Variants in SIPA1L3 observed in about 807,000 individuals in gnomAD.
The protein encoded by SIPA1L3 is signal induced proliferation associated 1 like 3, also known as signal-induced proliferation-associated 1-like protein 3.
A neutral mutation model predicts 150.1 loss-of-function variants in SIPA1L3; 59 were observed. That is an observed-to-expected ratio of 0.39 (90% confidence interval 0.32 to 0.49). The LOEUF (loss-of-function observed/expected upper bound fraction) is 0.49, where lower values mean the gene tolerates loss of function less well. Ranked by LOEUF, SIPA1L3 falls within the 20% of genes least tolerant of loss-of-function variation. SIPA1L3 has a pLI of 0.86. For synonymous variants in SIPA1L3, 1,070 were observed against 1,077.6 expected (o/e 0.99, Z 0.14); for missense variants, 2,211 against 2,489.5 (o/e 0.89, Z 2.38).
intron 1 of SIPA1L3, among the ~76,000 whole-genome samples, chr19:38,026,240 G>A (rs1027360812): frequency 2.6e-5 from 4 of 152,136 alleles, no homozygotes; most frequent in African/African-American, 4.8e-5. Flanking sequence ...AGGCTCTGAA[G>A]CAGCCCCTAG....
At chr19:38,170,566 A>G (rs1972306649) in intron 15 of SIPA1L3, among the ~76,000 whole-genome samples, 1 of 152,136 alleles carries the variant, frequency 6.6e-6, no homozygotes, top group Non-Finnish European at 1.5e-5. Flanking sequence ...CTTGGTATTT[A>G]TTCACACAGC....
intron 15 of SIPA1L3, among the ~76,000 whole-genome samples, chr19:38,172,761 G>A (rs1332322746): frequency 1.3e-5 from 2 of 152,172 alleles, no homozygotes; most frequent in Non-Finnish European, 2.9e-5. Context: ...GGTTCCAAGG[G>A]ACATGGGAGC....
Position 38,082,647 on chromosome 19 carries a change from C to T in SIPA1L3, c.1082C>T (p.Ser361Leu), listed in dbSNP as rs1259726705. The T allele has an allele frequency of 1.1e-5, 18 of 1,606,588 alleles. No homozygotes were observed. The highest frequency in any genetic ancestry group is 5.0e-5 in the Admixed American group (3 of 59,976). Residue 361 changes from serine to leucine, a missense_variant, in exon 3 of 22, where the codon TCG becomes TTG. Physicochemically the swap from Ser to Leu is moderately radical, Grantham distance 145. This residue lies in a region of SIPA1L3 where 587 missense variants were observed against 534.5 expected (regional missense o/e 1.10). Transcript: ENST00000222345. ...DLNEAAANRV[S>L]VSQRRNTTTG... ...AACGAGGCGGCCGCCAACAGGGTGTCGGTGTCGCAGCGGCGGAACACCACC... is the reference window on the plus strand; with the variant it reads ...AACGAGGCGGCCGCCAACAGGGTGTTGGTGTCGCAGCGGCGGAACACCACC...
chr19:37,913,892 G>A (rs1028624124), intron 1 of SIPA1L3, among the ~76,000 whole-genome samples: 3 of 151,710 alleles, frequency 2.0e-5, no homozygotes, highest in African/African-American at 7.3e-5. Flanking sequence ...ACAGGCGCCT[G>A]TAGTCCCAGT....
intron 3 of SIPA1L3, among the ~76,000 whole-genome samples, chr19:38,085,709 G>C (rs1448011078): frequency 6.6e-6 from 1 of 152,106 alleles, no homozygotes; most frequent in African/African-American, 2.4e-5. Context: ...AATGGATCAG[G>C]CTGGCTGAGC....
intron 15 of SIPA1L3, among the ~76,000 whole-genome samples, chr19:38,176,809 T>C (rs1972444080): frequency 6.6e-6 from 1 of 151,730 alleles, no homozygotes; most frequent in African/African-American, 2.4e-5. Flanking sequence ...CCATCTCTAC[T>C]AAAAATACAA....
chr19:37,934,422 T>C (rs1364404865), intron 1 of SIPA1L3, among the ~76,000 whole-genome samples: 1 of 152,170 alleles, frequency 6.6e-6, no homozygotes, highest in Non-Finnish European at 1.5e-5. Flanking sequence ...CCTATTACAC[T>C]TATTTCATGT....
intron 1 of SIPA1L3, among the ~76,000 whole-genome samples, chr19:37,971,132 T>TG (rs1555771940): frequency 4.6e-5 from 7 of 152,062 alleles, no homozygotes; most frequent in East Asian, 1.9e-4. Flanking sequence ...CCATGCTTTT[T>TG]TTTGTTTGTT....
intron 1 of SIPA1L3, among the ~76,000 whole-genome samples, chr19:38,015,494 C>T (rs897300063): frequency 4.6e-5 from 7 of 151,912 alleles, no homozygotes; most frequent in South Asian, 2.1e-4. Context: ...GAGGCTGAGG[C>T]GGGCAGACTG....
chr19:38,065,952 A>T (rs1969575274), intron 2 of SIPA1L3, among the ~76,000 whole-genome samples: 3 of 48,252 alleles, frequency 6.2e-5, no homozygotes, highest in African/African-American at 1.1e-4. Context: ...TTTATTTTTG[A>T]GGCAACGTCT....
At chr19:38,130,893 C>G in intron 10 of SIPA1L3, 121 bp downstream of exon 10, 1 of 1,091,232 alleles carries the variant, frequency 9.2e-7, no homozygotes, top group Non-Finnish European at 1.3e-6. Flanking sequence ...CCCTTCTAGG[C>G]AGGAATAGTG....
intron 2 of SIPA1L3, among the ~76,000 whole-genome samples, chr19:38,073,061 G>T (rs1305545761): frequency 6.6e-6 from 1 of 152,182 alleles, no homozygotes; most frequent in South Asian, 2.1e-4. Flanking sequence ...CCTTGCAACC[G>T]GAGTGGCCGT....
At chr19:37,948,969 G>T (rs79588148) in intron 1 of SIPA1L3, among the ~76,000 whole-genome samples, 2 of 152,206 alleles carry the variant, frequency 1.3e-5, no homozygotes, top group Non-Finnish European at 2.9e-5. Flanking sequence ...TGGCAGGAGG[G>T]CAGCGGGGGA....
intron 1 of SIPA1L3, among the ~76,000 whole-genome samples, chr19:37,993,619 TC>T: frequency 6.6e-6 from 1 of 152,280 alleles, no homozygotes; most frequent in East Asian, 1.9e-4. Context: ...GGGGAACAGA[TC>T]CCTAACGGGG....
At chr19:38,065,239 G>T (rs1170204559) in intron 2 of SIPA1L3, among the ~76,000 whole-genome samples, 1 of 151,954 alleles carries the variant, frequency 6.6e-6, no homozygotes, top group African/African-American at 2.4e-5. Flanking sequence ...CTGTCGCCAG[G>T]CCACGGAGGA....
intron 16 of SIPA1L3, among the ~76,000 whole-genome samples, chr19:38,187,439 T>A (rs1278489748): frequency 3.3e-5 from 4 of 123,038 alleles, no homozygotes; most frequent in Non-Finnish European, 6.7e-5. Context: ...GCAACAAGAG[T>A]GAAACTCTTT....
chr19:37,961,988 T>G (rs2046862532), intron 1 of SIPA1L3, among the ~76,000 whole-genome samples: 1 of 152,172 alleles, frequency 6.6e-6, no homozygotes. Flanking sequence ...TTTCCTTTAA[T>G]TCTTTAAATG....
intron 10 of SIPA1L3, 101 bp downstream of exon 10, chr19:38,130,873 G>A: frequency 7.6e-7 from 1 of 1,318,296 alleles, no homozygotes; most frequent in Middle Eastern, 2.2e-4. Flanking sequence ...ATAGAGGGGG[G>A]ATAGGCAGGC....
chr19:38,129,462 A>G (rs1179678977), intron 9 of SIPA1L3, among the ~76,000 whole-genome samples: 1 of 151,950 alleles, frequency 6.6e-6, no homozygotes, highest in Non-Finnish European at 1.5e-5. Context: ...CGTCTCTACT[A>G]AAAATACAAA....
Sources: allele counts gnomAD v4.1 joint callset (sites outside exome capture counted in the v4.1 genomes callset), GRCh38; gene constraint gnomAD v4.1.1; regional missense constraint gnomAD v4.1.1; transcripts MANE v1.5; gene names NCBI Gene and HGNC (gene_info 2026-07-23, HGNC 2026-07-21).